Variants in ZBTB21 observed in about 807,000 individuals in gnomAD.
ZBTB21 encodes the protein zinc finger and BTB domain-containing protein 21.
A neutral mutation model predicts 39.8 loss-of-function variants in ZBTB21; 10 were observed. The observed-to-expected ratio is 0.25, with a 90% CI of 0.16 to 0.43. The LOEUF (loss-of-function observed/expected upper bound fraction) is 0.43. ZBTB21 is among the 20% of genes least tolerant of loss of function. The probability of loss-of-function intolerance (pLI) is 1.00; values close to 1 mark genes in which losing one functional copy is unlikely to be tolerated. For missense variants in ZBTB21, 1,221 were observed against 1,296.3 expected (o/e 0.94, Z 0.89); for synonymous variants, 551 against 498.8 (o/e 1.10, Z -1.40).
At chr21:42,007,561 C>T (rs929255082) in intron 1 of ZBTB21, among the ~76,000 whole-genome samples, 1 of 152,022 alleles carries the variant, frequency 6.6e-6, no homozygotes, top group African/African-American at 2.4e-5. Context: ...ATGTCACCGA[C>T]TCTACAAAGC....
In ZBTB21 at chr21:41,993,593, G is replaced by T; in HGVS notation, c.503C>A (p.Pro168His). The T allele has an allele frequency of 6.2e-7, 1 of 1,614,226 alleles. No homozygotes were observed. ...AQGKTVSQNQPDVSHTSRPSP... is the reference protein window; with the variant it reads ...AQGKTVSQNQHDVSHTSRPSP... ...GGGCCGGGAAGTATGGCTTACATCGGGTTGATTTTGACTAACAGTTTTTCC... is the reference window on the plus strand; with the variant it reads ...GGGCCGGGAAGTATGGCTTACATCGTGTTGATTTTGACTAACAGTTTTTCC... The change falls in exon 3 of 3, where the codon CCC becomes CAC. Residue 168 changes from proline (P) to histidine (H), a missense_variant. Physicochemically the swap from Pro to His is moderately conservative, Grantham distance 77. This residue lies in a region of ZBTB21 where 500 missense variants were observed against 465.6 expected (regional missense o/e 1.07). Coordinates refer to ENST00000310826, the MANE Select transcript of ZBTB21 (RefSeq NM_001098402.2).
At chr21:42,009,770 G>T (rs1308009457) in intron 1 of ZBTB21, among the ~76,000 whole-genome samples, 1 of 151,970 alleles carries the variant, frequency 6.6e-6, no homozygotes, top group African/African-American at 2.4e-5. Flanking sequence ...GCAGGTGCGG[G>T]GTCCCCAAGG....
chr21:41,999,592 C>G (rs369257813), intron 2 of ZBTB21, among the ~76,000 whole-genome samples: 6 of 152,164 alleles, frequency 3.9e-5, no homozygotes, highest in Non-Finnish European at 7.3e-5. Flanking sequence ...TAATAATAGT[C>G]GCTACCATTT....
rs1482437272 is a variant in ZBTB21 at position 41,992,599 on chromosome 21, C to T, written c.1497G>A (p.Val499=). Residue 499 remains valine, a synonymous_variant, in exon 3 of 3, where the codon GTG becomes GTA. Coordinates refer to ENST00000310826, the MANE Select transcript of ZBTB21 (RefSeq NM_001098402.2). This position sits in a 1 kb window ranked among gnomAD's most constrained non-coding sequence, Gnocchi z 4.1. ...DRRLPFKKLK[V]NEHGSPVSED... ...CTGACACAGGAGACCCGTGCTCATTCACCTTTAACTTCTTAAACGGCAATC... is the reference window on the plus strand; with the variant it reads ...CTGACACAGGAGACCCGTGCTCATTTACCTTTAACTTCTTAAACGGCAATC... The T allele has an allele frequency of 1.9e-6, 3 of 1,614,106 alleles. No homozygotes were observed. Among genetic ancestry groups the T allele is most frequent in the East Asian group, 4.5e-5 (2 of 44,902 alleles).
chr21:41,993,724 G>A lies in ZBTB21; in HGVS notation c.372C>T (p.Ala124=), dbSNP rs771794978. The part of the protein sequence containing the change: ...LTNIVSKTPQ[A]PFPTCPNRKK... ...TTCTATTAGGACACGTTGGAAAGGG[G>A]GCTTGAGGTGTTTTAGAAACGATGT... is the stretch of plus-strand genomic sequence containing the variant. Residue 124 remains alanine (A), a synonymous_variant, in exon 3 of 3, where the codon GCC becomes GCT. Coordinates refer to ENST00000310826, the MANE Select transcript of ZBTB21 (RefSeq NM_001098402.2). 1 of 1,614,144 alleles carries A rather than the reference G, an allele frequency of 6.2e-7. No individual in the cohort carries two copies. The highest frequency in any genetic ancestry group is 1.1e-5 in the South Asian group (1 of 91,066).
intron 2 of ZBTB21, among the ~76,000 whole-genome samples, chr21:41,998,656 T>C (rs950191493): frequency 2.7e-4 from 41 of 152,352 alleles, no homozygotes; most frequent in African/African-American, 9.6e-4. Flanking sequence ...TAGGTTCTCT[T>C]CTGGCCTTTG....
chr21:42,004,892 T>A (rs1004708663), intron 1 of ZBTB21, among the ~76,000 whole-genome samples: 11 of 152,260 alleles, frequency 7.2e-5, no homozygotes, highest in Non-Finnish European at 1.5e-5. Context: ...TGGATTTTAC[T>A]ATTTGATGGT....
intron 1 of ZBTB21, chr21:42,009,452 C>T (rs1041742649): frequency 1.3e-5 from 2 of 152,296 alleles, no homozygotes; most frequent in African/African-American, 4.8e-5. Context: ...ACTCCCTGCC[C>T]CTCCAGCCGC....
In ZBTB21 at chr21:41,991,451, G is replaced by T; in HGVS notation, c.2645C>A (p.Pro882His). ...KQLKIQVKEE[P>H]VEEAEEEAPE... Reference sequence around the variant, plus strand: ...TGCCTCTTCTTCAGCCTCCTCCACAGGCTCCTCTTTGACTTGGATTTTCAG... The same window carrying T: ...TGCCTCTTCTTCAGCCTCCTCCACATGCTCCTCTTTGACTTGGATTTTCAG... Residue 882 changes from proline to histidine, a missense_variant, in exon 3 of 3, where the codon CCT becomes CAT. Physicochemically the swap from Pro to His is moderately conservative, Grantham distance 77. Coordinates refer to ENST00000310826, the MANE Select transcript of ZBTB21 (RefSeq NM_001098402.2). This position sits in a 1 kb window ranked among gnomAD's most constrained non-coding sequence, Gnocchi z 4.9. 1 of 1,614,000 alleles carries T rather than the reference G, an allele frequency of 6.2e-7. No homozygotes were observed. Among genetic ancestry groups the T allele is most frequent in the Non-Finnish European group, 8.5e-7 (1 of 1,180,000 alleles).
chr21:41,998,326 G>C (rs1003567976), intron 2 of ZBTB21, among the ~76,000 whole-genome samples: 1 of 151,680 alleles, frequency 6.6e-6, no homozygotes, highest in Non-Finnish European at 1.5e-5. Flanking sequence ...TGAGTAGCTG[G>C]GATTACAGGC....
intron 2 of ZBTB21, among the ~76,000 whole-genome samples, chr21:42,000,449 C>T (rs1031156237): frequency 1.3e-5 from 2 of 152,172 alleles, no homozygotes; most frequent in African/African-American, 4.8e-5. Flanking sequence ...CAGGTAACGG[C>T]TAACCACTTC....
chr21:41,997,085 TTTTTTTA>T (rs1185299894), intron 2 of ZBTB21, among the ~76,000 whole-genome samples: 2 of 152,102 alleles, frequency 1.3e-5, no homozygotes, highest in African/African-American at 4.8e-5. Context: ...CCTGGGTAAT[TTTTTTTA>T]TTTTTTATTT....
rs1220490995 is a variant in ZBTB21 at position 41,989,673 on chromosome 21, TCTAATAC to T, written c.*1215_*1221del. ...ACTAATTTTGGACCACTGATAGTGC[TCTAATAC>T]CTATTTTTGAAATATTAAGCAATGA... On this transcript the variant is annotated 3_prime_UTR_variant, in exon 3 of 3. Transcript: ENST00000310826. 2.6e-5 allele frequency: 4 copies of T among 152,194 alleles called. No individual in the cohort carries two copies. The highest frequency in any genetic ancestry group is 5.9e-5 in the Non-Finnish European group (4 of 68,000). 9.4% of individuals were successfully genotyped at this position (152,194 alleles called of 1,614,324 possible).
Position 41,992,597 on chromosome 21 carries a change from T to G in ZBTB21, c.1499A>C (p.Asn500Thr), listed in dbSNP as rs1271789230. ...RRLPFKKLKV[N>T]EHGSPVSEDN... ...TTCTGACACAGGAGACCCGTGCTCA[T>G]TCACCTTTAACTTCTTAAACGGCAA... The change falls in exon 3 of 3, where the codon AAT becomes ACT. Residue 500 changes from asparagine to threonine, a missense_variant. By Grantham distance (65) the Asn-to-Thr change is moderately conservative (BLOSUM62 0). Transcript: ENST00000310826. This position sits in a 1 kb window ranked among gnomAD's most constrained non-coding sequence, Gnocchi z 4.1. The G allele has an allele frequency of 1.2e-6, 2 of 1,614,224 alleles. No individual in the cohort carries two copies. Among genetic ancestry groups the G allele is most frequent in the Admixed American group, 3.3e-5 (2 of 60,026 alleles).
Position 41,993,527 on chromosome 21 carries a change from T to C in ZBTB21, c.569A>G (p.His190Arg), listed in dbSNP as rs1286482552. ...AAGTGGTTCTATTGGTTTTGGGACA[T>C]GTGGCTTATTGGTATTGGCCTTGAC... ...IAVKANTNKP[H>R]VPKPIEPLHN... Residue 190 changes from histidine to arginine, a missense_variant, in exon 3 of 3, where the codon CAT (histidine) becomes CGT (arginine). By Grantham distance (29) the His-to-Arg change is conservative. Around this residue, in one of 4 missense-constraint regions of ZBTB21, gnomAD observed 500 missense variants for 465.6 expected, o/e 1.07. Transcript: ENST00000310826. 6.2e-7 allele frequency: 1 copy of C among 1,614,234 alleles called. No homozygotes were observed.
chr21:42,001,712 A>T (rs988287016), intron 2 of ZBTB21, among the ~76,000 whole-genome samples: 3 of 152,358 alleles, frequency 2.0e-5, no homozygotes, highest in African/African-American at 7.2e-5. Flanking sequence ...AATAACAGCT[A>T]TAATTTGGGT....
rs561128035 is a variant in ZBTB21, at chr21:42,005,502, AG to A, written c.-78-2542del. On this transcript the variant is annotated intron_variant, in intron 1 of 2. Transcript: ENST00000310826. Reference sequence around the variant, plus strand: ...GTCCTTCTTCCTGGCCCAGTTTTTTAGCTTTTCTTTTAAGTCCAAGAGCAAC... The same window carrying A: ...GTCCTTCTTCCTGGCCCAGTTTTTTACTTTTCTTTTAAGTCCAAGAGCAAC... Among the ~76,000 whole-genome samples the A allele has an allele frequency of 9.2e-5, 14 of 152,254 alleles. 1 individual carries two copies. In the South Asian group the frequency reaches 2.1e-3, roughly 23 times the overall value.
chr21:42,007,947 T>C (rs2065900351), intron 1 of ZBTB21: 1 of 152,248 alleles, frequency 6.6e-6, no homozygotes, highest in African/African-American at 2.4e-5. Flanking sequence ...GTTTAGACTC[T>C]TGAGGCTCCA....
rs767411984 is a variant in ZBTB21 at position 42,008,342 on chromosome 21, CAAAAAA to C, written c.-79+1904_-79+1909del. 2.4e-4 allele frequency among the ~76,000 whole-genome samples: 13 copies of C among 54,296 alleles called. No homozygotes were observed. In the East Asian group the frequency reaches 2.9e-3, roughly 12 times the overall value. The allele number at this position is 54,296 out of a possible 152,430, so 35.6% of individuals were successfully genotyped here. A position where few individuals can be genotyped will look rare whatever the true frequency, so the allele number is the denominator to read the frequency against. ...TCAACAGGATGAAACCCCGTCTCTA[CAAAAAA>C]AAAAAAAAAAAAAAAAAAAATTAGC... On this transcript the variant is annotated intron_variant, in intron 1 of 2. Coordinates refer to ENST00000310826, the MANE Select transcript of ZBTB21 (RefSeq NM_001098402.2).
Sources: allele counts gnomAD v4.1 joint callset (sites outside exome capture counted in the v4.1 genomes callset), GRCh38; gene constraint gnomAD v4.1.1; regional missense constraint gnomAD v4.1.1; non-coding constraint Gnocchi (gnomAD v3.1); transcripts MANE v1.5; gene names NCBI Gene and HGNC (gene_info 2026-07-23, HGNC 2026-07-21).